The following SAMD11 variants were observed in gnomAD, a reference collection of about 807,000 sequenced individuals.
The protein encoded by SAMD11 is sterile alpha motif domain containing 11, also known as sterile alpha motif domain-containing protein 11.
SAMD11 carries 77 observed loss-of-function variants against 64.4 expected under a neutral mutation model. The ratio of observed to expected loss-of-function variants is 1.20; its 90% CI spans 0.99 to 1.44. The LOEUF is 1.44. SAMD11 is among the 40% of genes most tolerant of loss of function. SAMD11 has a pLI of 0.00. For synonymous variants in SAMD11, 658 were observed against 421.9 expected (o/e 1.56, Z -6.86); for missense variants, 1,402 against 943.3 (o/e 1.49, Z -6.37).
At chr1:929,338 A>C (rs1013966106) in intron 2 of SAMD11, among the ~76,000 whole-genome samples, 1 of 152,200 alleles carries the variant, frequency 6.6e-6, no homozygotes, top group African/African-American at 2.4e-5. Flanking sequence ...TGGGAGAAAG[A>C]AGCCCTGTGA....
chr1:941,359 C>T (rs1641755616), intron 8 of SAMD11, 53 bp downstream of exon 8: 2 of 1,451,860 alleles, frequency 1.4e-6, no homozygotes, highest in Admixed American at 2.5e-5. Flanking sequence ...GCCCGCACCC[C>T]CGCGCTCTCA....
chr1:937,078 G>A (rs918407192), intron 5 of SAMD11, among the ~76,000 whole-genome samples: 3 of 152,120 alleles, frequency 2.0e-5, no homozygotes, highest in Non-Finnish European at 4.4e-5. Context: ...GGCCTCACGT[G>A]TCCTGGACCC....
chr1:933,953 C>T lies in SAMD11; in HGVS notation c.843-1819C>T, dbSNP rs192223047. On this transcript the variant is annotated intron_variant, in intron 4 of 13. Coordinates refer to ENST00000616016, the MANE Select transcript of SAMD11 (RefSeq NM_001385641.1). The stretch of plus-strand genomic sequence containing the variant: ...TTTAGGGTAGGCTCCTAGGTCACTG[C>T]GCAGGACTGCTCCGTTACAGGTGGG... 7.9e-4 allele frequency among the ~76,000 whole-genome samples: 120 copies of T among 151,298 alleles called. 19 individuals are homozygous for T. The highest frequency in any genetic ancestry group is 2.7e-3 in the African/African-American group (111 of 40,730).
Position 944,464 on chromosome 1 carries a change from G to A in SAMD11, c.*311G>A. ...ACGTCAGGGTCAGCTCCCCCGCGGAGCTGACTTCAGCAGCCCACAGCTGTG... is the reference window on the plus strand; with the variant it reads ...ACGTCAGGGTCAGCTCCCCCGCGGAACTGACTTCAGCAGCCCACAGCTGTG... On this transcript the variant is annotated 3_prime_UTR_variant, in exon 14 of 14. Coordinates refer to ENST00000616016, the MANE Select transcript of SAMD11 (RefSeq NM_001385641.1). The A allele has an allele frequency of 3.9e-6, 3 of 762,002 alleles. No individual in the cohort carries two copies. Among genetic ancestry groups the A allele is most frequent in the Non-Finnish European group, 5.9e-6 (3 of 508,780 alleles). The allele number at this position is 762,002 out of a possible 1,614,324, so 47.2% of individuals were successfully genotyped here.
chr1:932,002 C>T (rs74047408), intron 4 of SAMD11, among the ~76,000 whole-genome samples: 218 of 152,334 alleles, frequency 1.4e-3, no homozygotes, highest in African/African-American at 4.8e-3. Context: ...GGGCCAGAGC[C>T]GTGAAGGCCC....
intron 2 of SAMD11, among the ~76,000 whole-genome samples, chr1:928,102 G>A (rs1270017220): frequency 6.6e-6 from 1 of 152,240 alleles, no homozygotes; most frequent in African/African-American, 2.4e-5. Flanking sequence ...TCAAAAGAAG[G>A]GAGGTGGGAG....
Position 942,652 on chromosome 1 carries a change from C to A in SAMD11, c.1647C>A (p.Asp549Glu). 7.0e-7 allele frequency: 1 copy of A among 1,436,034 alleles called. No individual in the cohort carries two copies. The highest frequency in any genetic ancestry group is 9.1e-7 in the Non-Finnish European group (1 of 1,101,582). The allele number at this position is 1,436,034 out of a possible 1,614,324, so 89.0% of individuals were successfully genotyped here. A position where few individuals can be genotyped will look rare whatever the true frequency, so the allele number is the denominator to read the frequency against. ...CCGAGACCGCCCTGCGCCCCAACGA[C>A]GGCGCCGAGGAGCTGCAGCGGCGCG... is the stretch of plus-strand genomic sequence containing the variant. ...LAPETALRPN[D>E]GAEELQRRGA... Residue 549 changes from aspartate to glutamate, a missense_variant, in exon 11 of 14, where the codon GAC becomes GAA. By Grantham distance (45) the Asp-to-Glu change is conservative (BLOSUM62 2). Transcript: ENST00000616016.
chr1:941,074 C>A, intron 7 of SAMD11, 70 bp from the exon 8 acceptor site: 1 of 1,418,788 alleles, frequency 7.0e-7, no homozygotes, highest in Non-Finnish European at 9.7e-7. Flanking sequence ...CAGTGTTCTA[C>A]GCCAGGACGC....
Position 943,919 on chromosome 1 carries a change from C to A in SAMD11, c.2301C>A (p.Arg767=). The part of the protein sequence containing the change: ...ALKIRAQVAR[R]LGRVFYVASF... ...CCATCTCTCTGCAGGTGGCCAGGCG[C>A]CTGGGCCGAGTTTTCTACGTGGCCA... Residue 767 remains arginine, a synonymous_variant, in exon 14 of 14, where the codon CGC becomes CGA. Coordinates refer to ENST00000616016, the MANE Select transcript of SAMD11 (RefSeq NM_001385641.1). 1 of 1,612,760 alleles carries A rather than the reference C, an allele frequency of 6.2e-7. No individual in the cohort carries two copies. Among genetic ancestry groups the A allele is most frequent in the Non-Finnish European group, 8.5e-7 (1 of 1,179,816 alleles).
At chr1:939,473 C>T (rs775108928) in intron 7 of SAMD11, 61 bp downstream of exon 7, 15 of 1,553,140 alleles carry the variant, frequency 9.7e-6, no homozygotes, top group East Asian at 2.3e-5. Context: ...GAGGACCCAC[C>T]CTGGCATGAT....
chr1:943,561 C>G, intron 12 of SAMD11, 137 bp from the exon 13 acceptor site: 18 of 638,950 alleles, frequency 2.8e-5, no homozygotes, highest in Non-Finnish European at 3.3e-5. Flanking sequence ...CAGGTGTTTT[C>G]TGCCTGACAC....
At chr1:932,258 G>C (rs570308324) in intron 4 of SAMD11, among the ~76,000 whole-genome samples, 94 of 152,134 alleles carry the variant, frequency 6.2e-4, no homozygotes, top group Non-Finnish European at 1.1e-3. Context: ...ACCCAGCCGC[G>C]GTCCCCCCGA....
intron 1 of SAMD11, 42 bp from the exon 2 acceptor site, chr1:925,880 C>A: frequency 6.9e-7 from 1 of 1,448,740 alleles, no homozygotes; most frequent in Non-Finnish European, 9.7e-7. Flanking sequence ...CGCGCAGAAG[C>A]GTGCCGCTCC....
intron 4 of SAMD11, among the ~76,000 whole-genome samples, 175 bp from the exon 5 acceptor site, chr1:935,597 C>G (rs890151972): frequency 6.6e-6 from 1 of 152,198 alleles, no homozygotes; most frequent in Non-Finnish European, 1.5e-5. Context: ...TCGGGTGCTG[C>G]GTGGGTGTGC....
At position 936,440 on chromosome 1, in the gene SAMD11, G is replaced by A. The variant is rs377390503; in HGVS notation, c.967+544G>A. On this transcript the variant is annotated intron_variant, in intron 5 of 13. Coordinates refer to ENST00000616016, the MANE Select transcript of SAMD11 (RefSeq NM_001385641.1). ...ACGGAGGGGGTCCCCGGTCGGTCCC[G>A]CCTTCTAGGGCTCCGGGAAGGATGG... Among the ~76,000 whole-genome samples, 35 of 147,340 alleles carry A rather than the reference G, an allele frequency of 2.4e-4. No homozygotes were observed. The East Asian group carries it at 3.7e-3, about 15-fold the overall frequency.
chr1:943,606 C>G, intron 12 of SAMD11, 92 bp from the exon 13 acceptor site: 1 of 1,329,862 alleles, frequency 7.5e-7, no homozygotes, highest in South Asian at 1.7e-5. Context: ...TAAAAAATTT[C>G]CGTGAGCTGC....
intron 4 of SAMD11, among the ~76,000 whole-genome samples, chr1:933,709 C>T (rs1402005290): frequency 6.6e-6 from 1 of 151,450 alleles, no homozygotes; most frequent in Non-Finnish European, 1.5e-5. Flanking sequence ...CCATAAAGTA[C>T]TTACTCCCAC....
intron 4 of SAMD11, among the ~76,000 whole-genome samples, chr1:935,438 C>T (rs900130003): frequency 7.2e-6 from 1 of 139,078 alleles, no homozygotes; most frequent in Non-Finnish European, 1.5e-5. Flanking sequence ...CCCGGTGGGC[C>T]CCTCGACCCC....
intron 4 of SAMD11, among the ~76,000 whole-genome samples, chr1:933,743 G>GA (rs569897063): frequency 3.9e-5 from 6 of 151,962 alleles, no homozygotes; most frequent in Non-Finnish European, 7.4e-5. Context: ...TATGTGCCTG[G>GA]GGGGGGCTTC....
Sources: gnomAD v4.1 joint callset for allele counts (sites outside exome capture counted in the v4.1 genomes callset) on GRCh38, gnomAD v4.1.1 for gene constraint, MANE v1.5 for transcripts, NCBI Gene and HGNC (gene_info 2026-07-23, HGNC 2026-07-21) for gene names.